Variants in MID2 observed in about 807,000 individuals in gnomAD.
MID2 encodes the protein probable E3 ubiquitin-protein ligase MID2.
MID2 carries 13 observed loss-of-function variants against 46.1 expected under a neutral mutation model. The observed-to-expected ratio is 0.28, with a 90% confidence interval of 0.18 to 0.45. The LOEUF (loss-of-function observed/expected upper bound fraction) is 0.45. MID2 is among the 20% of genes least tolerant of loss of function. The probability of loss-of-function intolerance (pLI) is 1.00; values close to 1 mark genes in which losing one functional copy is unlikely to be tolerated. For synonymous variants in MID2, 199 were observed against 212.3 expected, an observed-to-expected ratio of 0.94 and a Z score of 0.55; for missense variants, 431 against 575.4, an observed-to-expected ratio of 0.75 and a Z score of 2.57.
intron 1 of MID2, among the ~76,000 whole-genome samples, 193 bp from the exon 2 acceptor site, chrX:107,840,477 A>G (rs1451572953): frequency 8.9e-6 from 1 of 112,521 alleles, no homozygotes; most frequent in African/African-American, 3.2e-5. Flanking sequence ...ATGAAAATAA[A>G]CATAGGCATT....
In MID2 at chrX:107,929,644, G is replaced by A. The variant is rs113954023; in HGVS notation, c.*2571G>A. Among the ~76,000 whole-genome samples, 3 of 111,677 alleles carry A rather than the reference G, an allele frequency of 2.7e-5. No homozygotes were observed. Among genetic ancestry groups the A allele is most frequent in the African/African-American group, 9.8e-5 (3 of 30,744 alleles). On this transcript the variant is annotated 3_prime_UTR_variant, in exon 10 of 10. Transcript: ENST00000262843. The stretch of plus-strand genomic sequence containing the variant: ...GAACAATTTCCTTTGCCTTGTCCTT[G>A]GCTCTCCAAAACTGTTCATTTATTG...
chrX:107,890,921 C>G (rs767320995), intron 3 of MID2, among the ~76,000 whole-genome samples: 1 of 110,342 alleles, frequency 9.1e-6, no homozygotes, highest in Non-Finnish European at 1.9e-5. Context: ...CTGAGCCAGG[C>G]GCAGGATATA....
In MID2 at chrX:107,891,018, G is replaced by A. The variant is rs376835966; in HGVS notation, c.817-12940G>A. On this transcript the variant is annotated intron_variant, in intron 3 of 9. Transcript: ENST00000262843. ...GTTTTCCAGGTGCTGTCTCTCACCCGTTTCTTTGACTAGGAAAGGGAATTC... is the reference window on the plus strand; with the variant it reads ...GTTTTCCAGGTGCTGTCTCTCACCCATTTCTTTGACTAGGAAAGGGAATTC... Among the ~76,000 whole-genome samples the A allele has an allele frequency of 7.2e-5, 8 of 110,460 alleles. No individual in the cohort carries two copies. In the East Asian group the frequency reaches 8.6e-4, roughly 12 times the overall value.
At chrX:107,897,754 G>T (rs1471510913) in intron 3 of MID2, among the ~76,000 whole-genome samples, 1 of 111,588 alleles carries the variant, frequency 9.0e-6, no homozygotes, top group Non-Finnish European at 1.9e-5. Context: ...TCCTTAAAGT[G>T]TGATCTGGGT....
chrX:107,834,741 A>G (rs771893919), intron 1 of MID2, among the ~76,000 whole-genome samples: 1 of 111,826 alleles, frequency 8.9e-6, no homozygotes, highest in African/African-American at 3.2e-5. Context: ...AAAACAATTG[A>G]AAGGAACAAG....
chrX:107,847,050 G>A (rs190502103), intron 2 of MID2, among the ~76,000 whole-genome samples: 326 of 112,344 alleles, frequency 2.9e-3, no homozygotes, highest in African/African-American at 9.9e-3. Context: ...TGGCCTTCAA[G>A]TTCATGAAAG....
At chrX:107,839,447 C>T (rs1282978794) in intron 1 of MID2, among the ~76,000 whole-genome samples, 1 of 107,073 alleles carries the variant, frequency 9.3e-6, no homozygotes, top group African/African-American at 3.5e-5. Context: ...TCTCGGCTTA[C>T]TGCAACCTCC....
At chrX:107,858,072 ACAAAG>A (rs1463787739) in intron 3 of MID2, among the ~76,000 whole-genome samples, 2 of 112,385 alleles carry the variant, frequency 1.8e-5, no homozygotes, top group African/African-American at 6.5e-5. Flanking sequence ...CAGAAAGTAA[ACAAAG>A]CTGCAGTCTT....
rs1175286407 is a variant in MID2 at position 107,928,583 on chromosome X, C to CT, written c.*1511dup. ...AGATTGGAGACTTGAAATGTCAAAA[C>CT]TCCCCTCTTCCTTTCCCCTAGTTTG... On this transcript the variant is annotated 3_prime_UTR_variant, in exon 10 of 10. Transcript: ENST00000262843. Among the ~76,000 whole-genome samples, 2 of 111,547 alleles carry CT rather than the reference C, an allele frequency of 1.8e-5. No homozygotes were observed. The highest frequency in any genetic ancestry group is 6.5e-5 in the African/African-American group (2 of 30,720).
intron 3 of MID2, among the ~76,000 whole-genome samples, chrX:107,870,743 C>T (rs1932044717): frequency 1.1e-5 from 1 of 93,163 alleles, no homozygotes; most frequent in Admixed American, 1.1e-4. Flanking sequence ...GCAAGCACTA[C>T]AAATTGCGGC....
At chrX:107,860,975 G>A (rs182073660) in intron 3 of MID2, among the ~76,000 whole-genome samples, 2 of 111,998 alleles carry the variant, frequency 1.8e-5, no homozygotes, top group Admixed American at 9.5e-5. Context: ...TCCATTACGC[G>A]TTGTTTTGCA....
upstream of MID2, chrX:107,825,838 GC>G (rs1930926940): frequency 4.3e-6 from 1 of 233,470 alleles, no homozygotes; most frequent in Admixed American, 7.1e-5. Context: ...CCCACCGGCT[GC>G]CTTTGCTTGC....
At chrX:107,850,322 C>T (rs1490521460) in intron 2 of MID2, among the ~76,000 whole-genome samples, 3 of 111,082 alleles carry the variant, frequency 2.7e-5, no homozygotes, top group Non-Finnish European at 3.8e-5. Flanking sequence ...CTAAATGACT[C>T]GTCAGTGCTA....
rs140122398 is a variant in MID2 at position 107,865,707 on chromosome X, C to T, written c.816+11003C>T. Among the ~76,000 whole-genome samples the T allele has an allele frequency of 2.7e-3, 306 of 112,496 alleles. 1 individual carries two copies. The highest frequency in any genetic ancestry group is 9.5e-3 in the African/African-American group (295 of 30,940). On this transcript the variant is annotated intron_variant, in intron 3 of 9. Transcript: ENST00000262843. ...GAGAGAAGGTTTTCCTCCTCTTCTC[C>T]ATATCCCAAGCCTGTTCCAGCTTCT...
chrX:107,834,071 G>A (rs993182385), intron 1 of MID2, among the ~76,000 whole-genome samples: 1 of 111,657 alleles, frequency 9.0e-6, no homozygotes, highest in African/African-American at 3.3e-5. Context: ...TGGGACTACA[G>A]GTGTGAGTCA....
chrX:107,896,607 G>A (rs1330146758), intron 3 of MID2, among the ~76,000 whole-genome samples: 1 of 112,182 alleles, frequency 8.9e-6, no homozygotes, highest in Non-Finnish European at 1.9e-5. Flanking sequence ...CAAAATATAT[G>A]TGTGTATATA....
At chrX:107,850,007 C>T (rs1931573851) in intron 2 of MID2, among the ~76,000 whole-genome samples, 1 of 112,061 alleles carries the variant, frequency 8.9e-6, no homozygotes, top group Non-Finnish European at 1.9e-5. Context: ...CTTGCTGTCA[C>T]GGTTTAACTG....
chrX:107,865,791 T>C (rs996929339), intron 3 of MID2, among the ~76,000 whole-genome samples: 1 of 112,885 alleles, frequency 8.9e-6, no homozygotes, highest in African/African-American at 3.2e-5. Context: ...TCTAAACCAA[T>C]AAAACTCTAG....
At chrX:107,882,767 A>C (rs185526209) in intron 3 of MID2, among the ~76,000 whole-genome samples, 4 of 112,150 alleles carry the variant, frequency 3.6e-5, no homozygotes, top group African/African-American at 9.7e-5. Flanking sequence ...ACTGTAAACT[A>C]GTTCAACCAT....
Sources: allele counts gnomAD v4.1 joint callset (sites outside exome capture counted in the v4.1 genomes callset), GRCh38; gene constraint gnomAD v4.1.1; transcripts MANE v1.5; gene names NCBI Gene and HGNC (gene_info 2026-07-23, HGNC 2026-07-21).